Variants in IYD observed in about 807,000 individuals in gnomAD.
The protein encoded by IYD is iodotyrosine deiodinase 1.
IYD carries 25 observed loss-of-function variants against 28.4 expected under a neutral mutation model. The ratio of observed to expected loss-of-function variants is 0.88; its 90% confidence interval spans 0.64 to 1.23. IYD has a LOEUF of 1.23. IYD is among the 50% of genes most tolerant of loss of function. The pLI is 0.00. For synonymous variants in IYD, 140 were observed against 130.8 expected, an observed-to-expected ratio of 1.07 and a Z score of -0.48; for missense variants, 352 against 357.9, an observed-to-expected ratio of 0.98 and a Z score of 0.13.
In IYD at chr6:150,398,238, G is replaced by A. The variant is rs2115065409; in HGVS notation, c.*1G>A. On this transcript the variant is annotated 3_prime_UTR_variant, in exon 5 of 5. Transcript: ENST00000344419. ...GGACCAGATCATGGTGACAGTGTAGGCAGGGCCCCCCAAGGGAGTGGCAGG... is the reference window on the plus strand; with the variant it reads ...GGACCAGATCATGGTGACAGTGTAGACAGGGCCCCCCAAGGGAGTGGCAGG... 6.2e-7 allele frequency: 1 copy of A among 1,614,078 alleles called. No individual in the cohort carries two copies. Among genetic ancestry groups the A allele is most frequent in the South Asian group, 1.1e-5 (1 of 91,086 alleles).
chr6:150,369,483 G>T (rs1304102713), intron 1 of IYD, among the ~76,000 whole-genome samples: 1 of 152,144 alleles, frequency 6.6e-6, no homozygotes, highest in Non-Finnish European at 1.5e-5. Flanking sequence ...ATTCTGTTCT[G>T]GTTGTTAAAA....
rs1404794107 is a variant in IYD, at chr6:150,398,165, G to C, written c.798G>C (p.Gly266=). 1 of 1,614,086 alleles carries C rather than the reference G, an allele frequency of 6.2e-7. No individual in the cohort carries two copies. The highest frequency in any genetic ancestry group is 1.3e-5 in the African/African-American group (1 of 74,926). The change falls in exon 5 of 5, where the codon GGG becomes GGC. Residue 266 remains glycine (G), a synonymous_variant. Coordinates refer to ENST00000344419, the MANE Select transcript of IYD (RefSeq NM_203395.3). ...HEKLLMLLPV[G]YPSKEATVPD... ...AGCTGCTGATGCTGCTCCCCGTGGGGTACCCCAGCAAGGAGGCCACGGTGC... is the reference window on the plus strand; with the variant it reads ...AGCTGCTGATGCTGCTCCCCGTGGGCTACCCCAGCAAGGAGGCCACGGTGC...
intron 1 of IYD, 149 bp from the exon 2 acceptor site, chr6:150,389,203 G>T: frequency 1.6e-6 from 1 of 640,896 alleles, no homozygotes; most frequent in South Asian, 1.8e-5. Context: ...CAGTGGTAAG[G>T]ATTCTGTAAA....
chr6:150,389,051 C>A (rs1187978295), intron 1 of IYD, among the ~76,000 whole-genome samples: 1 of 152,102 alleles, frequency 6.6e-6, no homozygotes, highest in African/African-American at 2.4e-5. Flanking sequence ...ATTGCCCAGG[C>A]TAGAGTGCAG....
At chr6:150,380,715 C>A (rs192670894) in intron 1 of IYD, among the ~76,000 whole-genome samples, 1 of 149,080 alleles carries the variant, frequency 6.7e-6, no homozygotes, top group Non-Finnish European at 1.5e-5. Flanking sequence ...TCTTCTTCCA[C>A]CTCACACCAA....
At chr6:150,393,311 C>A (rs1778194649) in intron 3 of IYD, among the ~76,000 whole-genome samples, 1 of 152,146 alleles carries the variant, frequency 6.6e-6, no homozygotes, top group Non-Finnish European at 1.5e-5. Flanking sequence ...CATTTTCCCT[C>A]TTTATAGGGA....
rs1209177607 is a variant in IYD at position 150,404,835 on chromosome 6, A to G, written c.*6598A>G. The stretch of plus-strand genomic sequence containing the variant: ...CTATAACCCAAACAAATAAGGGATT[A>G]TTTTTCCCTCCTAGTGAGAAGTCTG... On this transcript the variant is annotated 3_prime_UTR_variant, in exon 5 of 5. Transcript: ENST00000344419. 2 of 152,188 alleles carry G rather than the reference A, an allele frequency of 1.3e-5. No homozygotes were observed. The highest frequency in any genetic ancestry group is 2.9e-5 in the Non-Finnish European group (2 of 68,016). 9.4% of individuals were successfully genotyped at this position (152,188 alleles called of 1,614,324 possible). A position where few individuals can be genotyped will look rare whatever the true frequency, so the allele number is the denominator to read the frequency against.
intron 2 of IYD, among the ~76,000 whole-genome samples, chr6:150,390,071 C>T (rs1778053950): frequency 6.6e-6 from 1 of 151,996 alleles, no homozygotes; most frequent in Non-Finnish European, 1.5e-5. Context: ...TTAATATTTC[C>T]ACTGAGGAAA....
chr6:150,372,756 G>T (rs1241303488), intron 1 of IYD, among the ~76,000 whole-genome samples: 1 of 67,498 alleles, frequency 1.5e-5, no homozygotes, highest in Non-Finnish European at 2.7e-5. Context: ...ACATGTGTAT[G>T]TGTGTGTGGG....
intron 1 of IYD, among the ~76,000 whole-genome samples, chr6:150,388,273 C>T (rs1264987589): frequency 6.6e-5 from 10 of 152,200 alleles, no homozygotes; most frequent in South Asian, 2.1e-4. Flanking sequence ...TTAGACTTCA[C>T]ATTCTGTGTG....
chr6:150,371,254 A>G (rs985131383), intron 1 of IYD, among the ~76,000 whole-genome samples: 1 of 152,202 alleles, frequency 6.6e-6, no homozygotes, highest in African/African-American at 2.4e-5. Flanking sequence ...TCATGACAGT[A>G]CAATGAGGTA....
chr6:150,385,400 A>G (rs566386759), intron 1 of IYD, among the ~76,000 whole-genome samples: 1 of 152,032 alleles, frequency 6.6e-6, no homozygotes, highest in Non-Finnish European at 1.5e-5. Flanking sequence ...CTTTCTCCAA[A>G]TTTACTAAGA....
chr6:150,391,695 A>T (rs559831943), intron 2 of IYD, among the ~76,000 whole-genome samples: 1 of 152,054 alleles, frequency 6.6e-6, no homozygotes, highest in Non-Finnish European at 1.5e-5. Context: ...CATTTTGAGC[A>T]AGTATGAATT....
intron 4 of IYD, 119 bp from the exon 5 acceptor site, chr6:150,397,936 A>C (rs1015268532): frequency 9.6e-7 from 1 of 1,041,832 alleles, no homozygotes; most frequent in African/African-American, 1.6e-5. Flanking sequence ...TTTGCTGCCC[A>C]ACTTCAGGGA....
chr6:150,384,478 C>G (rs1051115758), intron 1 of IYD: 3 of 152,130 alleles, frequency 2.0e-5, no homozygotes, highest in African/African-American at 7.2e-5. Flanking sequence ...TATTTTGCCT[C>G]CTAAGTTCTA....
At chr6:150,396,517 A>G in intron 4 of IYD, 1 of 691,728 alleles carries the variant, frequency 1.4e-6, no homozygotes, top group South Asian at 1.5e-5. Context: ...AGTAAAAGCT[A>G]TGTCTTGAAA....
intron 1 of IYD, among the ~76,000 whole-genome samples, chr6:150,383,894 AAAAAAG>A (rs1469509015): frequency 1.3e-5 from 2 of 152,176 alleles, no homozygotes; most frequent in Non-Finnish European, 2.9e-5. Flanking sequence ...CTACTAAAAG[AAAAAAG>A]TAACAAGTTA....
intron 1 of IYD, among the ~76,000 whole-genome samples, chr6:150,375,194 C>T (rs1777402255): frequency 2.0e-5 from 3 of 152,184 alleles, no homozygotes; most frequent in Non-Finnish European, 4.4e-5. Context: ...GAGGTTTAAT[C>T]ATAAGGCTGC....
At chr6:150,372,412 T>G (rs1220508835) in intron 1 of IYD, among the ~76,000 whole-genome samples, 1 of 73,034 alleles carries the variant, frequency 1.4e-5, no homozygotes, top group African/African-American at 4.5e-5. Flanking sequence ...AGGGGTCATG[T>G]TGTGTCCATG....
Sources: gnomAD v4.1 joint callset for allele counts (sites outside exome capture counted in the v4.1 genomes callset) on GRCh38, gnomAD v4.1.1 for gene constraint, MANE v1.5 for transcripts, NCBI Gene and HGNC (gene_info 2026-07-23, HGNC 2026-07-21) for gene names.